The following TBCD variants were observed in gnomAD, a reference collection of about 807,000 sequenced individuals.
TBCD encodes tubulin-specific chaperone D.
Under a neutral mutation model 169.3 loss-of-function variants are expected in TBCD, and 105 were observed. That is an observed-to-expected ratio of 0.62 (90% CI 0.53 to 0.73). TBCD has a LOEUF of 0.73. TBCD is among the 30% of genes least tolerant of loss of function. The probability of loss-of-function intolerance (pLI) is 0.00; values close to 1 mark genes in which losing one functional copy is unlikely to be tolerated. For missense variants in TBCD, 1,444 were observed against 1,600.1 expected (o/e 0.90, Z 1.66); for synonymous variants, 700 against 643.9 (o/e 1.09, Z -1.32).
At chr17:82,838,109 C>T (rs373779138) in intron 13 of TBCD, among the ~76,000 whole-genome samples, 3 of 152,178 alleles carry the variant, frequency 2.0e-5, no homozygotes, top group East Asian at 3.8e-4. Context: ...TGCACTGGGC[C>T]GGGTGTTGGG....
chr17:82,816,695 C>G (rs2459713), intron 13 of TBCD, among the ~76,000 whole-genome samples: 83,590 of 151,454 alleles, frequency 0.55, 23,154 homozygotes, highest in South Asian at 0.65. Context: ...CACCATGCCA[C>G]ATTAATTTTT....
chr17:82,849,371 TCAGCTAAGTC>T, intron 13 of TBCD, among the ~76,000 whole-genome samples: 1 of 152,374 alleles, frequency 6.6e-6, no homozygotes, highest in Middle Eastern at 3.4e-3. Context: ...CTGTTTCTCC[TCAGCTAAGTC>T]CTGAGAGTCA....
At chr17:82,925,637 A>C (rs1488396799) in intron 27 of TBCD, among the ~76,000 whole-genome samples, 2 of 152,140 alleles carry the variant, frequency 1.3e-5, no homozygotes, top group African/African-American at 4.8e-5. Flanking sequence ...CAGCCTTGGC[A>C]CTTCAGGATC....
rs539522118 is a variant in TBCD at position 82,801,957 on chromosome 17, G to A, written c.950+961G>A. Among the ~76,000 whole-genome samples, 208 of 151,282 alleles carry A rather than the reference G, an allele frequency of 1.4e-3. 1 individual carries two copies. The highest frequency in any genetic ancestry group is 4.8e-3 in the African/African-American group (196 of 41,180). ...CTCGGAGTCAGCGTGGCAGCAGGGTGGCATGTGTGTCGTGTGGCTCGGGGT... is the reference window on the plus strand; with the variant it reads ...CTCGGAGTCAGCGTGGCAGCAGGGTAGCATGTGTGTCGTGTGGCTCGGGGT... On this transcript the variant is annotated intron_variant, in intron 9 of 38. Coordinates refer to ENST00000355528, the MANE Select transcript of TBCD (RefSeq NM_005993.5).
At chr17:82,927,063 C>T in intron 28 of TBCD, 123 bp from the exon 29 acceptor site, 1 of 1,376,078 alleles carries the variant, frequency 7.3e-7, no homozygotes, top group Non-Finnish European at 9.9e-7. Context: ...TCTGATCTAC[C>T]CGAGGGTCCT....
At chr17:82,752,737 G>C (rs975257126) in intron 1 of TBCD, among the ~76,000 whole-genome samples, 3 of 152,216 alleles carry the variant, frequency 2.0e-5, no homozygotes, top group East Asian at 1.9e-4. Context: ...ACTCGGGCCA[G>C]ACCCCTCCGG....
Position 82,857,761 on chromosome 17 carries a change from T to TTA in TBCD, c.1319-12463_1319-12462insTA, listed in dbSNP as rs1555618440. Among the ~76,000 whole-genome samples, 108 of 149,050 alleles carry TTA rather than the reference T, an allele frequency of 7.2e-4. 1 individual carries two copies. The highest frequency in any genetic ancestry group is 2.6e-3 in the African/African-American group (105 of 40,366). On this transcript the variant is annotated intron_variant, in intron 13 of 38. Coordinates refer to ENST00000355528, the MANE Select transcript of TBCD (RefSeq NM_005993.5). ...GTGTCTCATGGTTTTTTTTTTTTTT[T>TTA]AATTTAATTTAATTTTTTTTTCATT...
In TBCD at chr17:82,835,573, C is replaced by A. The variant is rs1413540478; in HGVS notation, c.1318+20639C>A. On this transcript the variant is annotated intron_variant, in intron 13 of 38. Transcript: ENST00000355528. This position sits in a 1 kb window ranked among gnomAD's most constrained non-coding sequence, Gnocchi z 4.5. ...TAGTAGCTGGGATTACAGGTGCCTA[C>A]CACCACGCCCAGCTAATTTTTTTGT... 6.6e-6 allele frequency among the ~76,000 whole-genome samples: 1 copy of A among 152,082 alleles called. No homozygotes were observed. The highest frequency in any genetic ancestry group is 1.5e-5 in the Non-Finnish European group (1 of 68,022).
rs193242216 is a variant in TBCD, at chr17:82,943,746, C to A, written c.*1283C>A. The A allele has an allele frequency of 6.6e-6, 1 of 152,344 alleles. No individual in the cohort carries two copies. The highest frequency in any genetic ancestry group is 1.9e-4 in the East Asian group (1 of 5,186). The allele number at this position is 152,344 out of a possible 1,614,324, so 9.4% of individuals were successfully genotyped here. A position where few individuals can be genotyped will look rare whatever the true frequency, so the allele number is the denominator to read the frequency against. On this transcript the variant is annotated 3_prime_UTR_variant, in exon 39 of 39. Transcript: ENST00000355528. ...ACACACTACTGTTGTTGTGTTTGAC[C>A]TGGTGGCCAATGGTCTTTATACCCT...
chr17:82,945,530 C>T lies in TBCD; in HGVS notation c.*3067C>T, dbSNP rs914689339. On this transcript the variant is annotated 3_prime_UTR_variant, in exon 39 of 39. Coordinates refer to ENST00000355528, the MANE Select transcript of TBCD (RefSeq NM_005993.5). ...TCTTCATTATGCTGAGAGAAAATAG[C>T]TGTCAAGTTGCTTGAATTGTGCCCA... 2 of 152,314 alleles carry T rather than the reference C, an allele frequency of 1.3e-5. No individual in the cohort carries two copies. The highest frequency in any genetic ancestry group is 1.3e-4 in the Admixed American group (2 of 15,298). The allele number at this position is 152,314 out of a possible 1,614,324, so 9.4% of individuals were successfully genotyped here.
At chr17:82,785,133 C>T (rs111980796) in intron 7 of TBCD, among the ~76,000 whole-genome samples, 24 of 87,754 alleles carry the variant, frequency 2.7e-4, no homozygotes, top group South Asian at 9.3e-4. Context: ...GACCACTGGA[C>T]CCCACCCATC....
At chr17:82,759,546 G>T (rs371283194) in intron 2 of TBCD, among the ~76,000 whole-genome samples, 2 of 152,022 alleles carry the variant, frequency 1.3e-5, no homozygotes, top group African/African-American at 4.8e-5. Flanking sequence ...GGCTGGTCTC[G>T]AACTTCTGGC....
At chr17:82,853,070 C>CT (rs946233470) in intron 13 of TBCD, among the ~76,000 whole-genome samples, 5 of 151,538 alleles carry the variant, frequency 3.3e-5, no homozygotes, top group East Asian at 1.9e-4. Context: ...TTCTCTCTCT[C>CT]TTTTTTTTTA....
rs1278025423 is a variant in TBCD at position 82,833,761 on chromosome 17, C to T, written c.1318+18827C>T. Among the ~76,000 whole-genome samples, 3 of 152,160 alleles carry T rather than the reference C, an allele frequency of 2.0e-5. No homozygotes were observed. Among genetic ancestry groups the T allele is most frequent in the Admixed American group, 6.5e-5 (1 of 15,284 alleles). Reference sequence around the variant, plus strand: ...GGAGGAAGCTGTCCTGGCCCTTAACCTTTAGGGAGTGGGTTCAGCCCTCTG... The same window carrying T: ...GGAGGAAGCTGTCCTGGCCCTTAACTTTTAGGGAGTGGGTTCAGCCCTCTG... On this transcript the variant is annotated intron_variant, in intron 13 of 38. Coordinates refer to ENST00000355528, the MANE Select transcript of TBCD (RefSeq NM_005993.5). This position sits in a 1 kb window ranked among gnomAD's most constrained non-coding sequence, Gnocchi z 4.7.
In TBCD at chr17:82,766,339, G is replaced by A. The variant is rs1288886937; in HGVS notation, c.406G>A (p.Val136Ile). The A allele has an allele frequency of 3.8e-5, 62 of 1,612,856 alleles. No homozygotes were observed. Among genetic ancestry groups the A allele is most frequent in the Non-Finnish European group, 5.2e-5 (61 of 1,179,550 alleles). The change falls in exon 4 of 39, where the codon GTC becomes ATC. Residue 136 changes from valine to isoleucine, a missense_variant. By Grantham distance (29) the Val-to-Ile change is conservative (BLOSUM62 3). Transcript: ENST00000355528. The part of the protein sequence containing the change: ...VADVEPVLDL[V>I]TIQNPKDHEA... ...CGATGTAGAGCCTGTTTTAGATTTG[G>A]TCACAATTCAGAATCCCAAGGACCA...
At chr17:82,818,787 C>T (rs1374305682) in intron 13 of TBCD, among the ~76,000 whole-genome samples, 3 of 152,170 alleles carry the variant, frequency 2.0e-5, no homozygotes, top group African/African-American at 7.2e-5. Flanking sequence ...TGAAAACAGG[C>T]TGGGCACGGC....
intron 7 of TBCD, among the ~76,000 whole-genome samples, chr17:82,792,404 C>T (rs1235824496): frequency 6.6e-6 from 1 of 151,732 alleles, no homozygotes; most frequent in Non-Finnish European, 1.5e-5. Context: ...TATATAAAAT[C>T]CTTTTATGGG....
Position 82,930,355 on chromosome 17 carries a change from A to G in TBCD, c.2992-167A>G. Reference sequence around the variant, plus strand: ...GTCTGCTTCGGGTGTCTGCACTGTGAGTGGCTCCGTGCTGGCGTCCGCACC... The same window carrying G: ...GTCTGCTTCGGGTGTCTGCACTGTGGGTGGCTCCGTGCTGGCGTCCGCACC... On this transcript the variant is annotated intron_variant, in intron 32 of 38. Coordinates refer to ENST00000355528, the MANE Select transcript of TBCD (RefSeq NM_005993.5). The surrounding 1 kb of genome is among the most constrained non-coding windows in gnomAD (Gnocchi z 5.2). The G allele has an allele frequency of 1.1e-6, 1 of 933,300 alleles. No homozygotes were observed. The highest frequency in any genetic ancestry group is 1.6e-6 in the Non-Finnish European group (1 of 643,714). The allele number at this position is 933,300 out of a possible 1,614,324, so 57.8% of individuals were successfully genotyped here.
At position 82,835,101 on chromosome 17, in the gene TBCD, G is replaced by A. The variant is rs975563759; in HGVS notation, c.1318+20167G>A. On this transcript the variant is annotated intron_variant, in intron 13 of 38. Coordinates refer to ENST00000355528, the MANE Select transcript of TBCD (RefSeq NM_005993.5). This position sits in a 1 kb window ranked among gnomAD's most constrained non-coding sequence, Gnocchi z 4.5. The stretch of plus-strand genomic sequence containing the variant: ...TAAATGGAAATGACTTAAGAAAACT[G>A]TTTCAACTGCAGTATTTTTTTTAAG... Among the ~76,000 whole-genome samples, 1 of 152,108 alleles carries A rather than the reference G, an allele frequency of 6.6e-6. No homozygotes were observed. Among genetic ancestry groups the A allele is most frequent in the Middle Eastern group, 3.2e-3 (1 of 316 alleles).
Sources: allele counts gnomAD v4.1 joint callset (sites outside exome capture counted in the v4.1 genomes callset), GRCh38; gene constraint gnomAD v4.1.1; non-coding constraint Gnocchi (gnomAD v3.1); transcripts MANE v1.5; gene names NCBI Gene and HGNC (gene_info 2026-07-23, HGNC 2026-07-21).